ARK2N: variants seen among roughly 807,000 people sequenced by gnomAD.
The protein encoded by ARK2N is arkadia (RNF111) N-terminal like PKA signaling regulator 2N.
the ARK2N span, among the ~76,000 whole-genome samples, chr18:46,181,066 C>G: frequency 6.6e-6 from 1 of 151,306 alleles, no homozygotes; most frequent in Non-Finnish European, 1.5e-5. Context: ...TCGAAACCAG[C>G]CTAGCCAACA....
At chr18:46,202,779 C>G in the ARK2N span, among the ~76,000 whole-genome samples, 1 of 147,670 alleles carries the variant, frequency 6.8e-6, no homozygotes, top group African/African-American at 2.5e-5. Context: ...CAGAGTGAGA[C>G]TCGGTCGCAA....
chr18:46,204,320 T>G, the ARK2N span, among the ~76,000 whole-genome samples: 1 of 152,188 alleles, frequency 6.6e-6, no homozygotes, highest in African/African-American at 2.4e-5. Context: ...AGTCCTAGAT[T>G]GCAAGGGAAT....
At chr18:46,246,237 G>A in the ARK2N span, among the ~76,000 whole-genome samples, 2 of 152,142 alleles carry the variant, frequency 1.3e-5, no homozygotes, top group Non-Finnish European at 2.9e-5. Flanking sequence ...CCTCCATGGG[G>A]GGTGAGGCGG....
At chr18:46,263,557 C>T in the ARK2N span, 8 of 157,862 alleles carry the variant, frequency 5.1e-5, no homozygotes, top group East Asian at 1.8e-4. Context: ...TTAGGGCATT[C>T]GCACACATAT....
the ARK2N span, among the ~76,000 whole-genome samples, chr18:46,238,305 C>T: frequency 6.6e-6 from 1 of 152,118 alleles, no homozygotes; most frequent in Non-Finnish European, 1.5e-5. Flanking sequence ...AAAAATAGAA[C>T]ATATGGTCAA....
chr18:46,223,149 C>G, the ARK2N span, among the ~76,000 whole-genome samples: 4,357 of 152,214 alleles, frequency 0.029, 189 homozygotes, highest in African/African-American at 0.099. Flanking sequence ...AAGGAGCCAT[C>G]CGATTTCCTG....
chr18:46,233,743 A>G, the ARK2N span, among the ~76,000 whole-genome samples: 1 of 152,226 alleles, frequency 6.6e-6, no homozygotes, highest in Non-Finnish European at 1.5e-5. Flanking sequence ...GACAAATGTA[A>G]TCCTTAAAAT....
chr18:46,223,018 A>G, the ARK2N span, among the ~76,000 whole-genome samples: 35 of 152,322 alleles, frequency 2.3e-4, no homozygotes, highest in African/African-American at 6.7e-4. Flanking sequence ...GTAGGAATCT[A>G]TGAGGCTACA....
At chr18:46,254,666 A>G in the ARK2N span, among the ~76,000 whole-genome samples, 2 of 152,226 alleles carry the variant, frequency 1.3e-5, no homozygotes, top group African/African-American at 2.4e-5. Context: ...ATATATAATC[A>G]TCGATGTCTG....
the ARK2N span, among the ~76,000 whole-genome samples, chr18:46,178,456 G>T: frequency 6.6e-6 from 1 of 152,144 alleles, no homozygotes; most frequent in Admixed American, 6.6e-5. Context: ...GGGATTGCAG[G>T]CATGTGCCGT....
the ARK2N span, among the ~76,000 whole-genome samples, chr18:46,221,417 GGGTGT>G: frequency 6.6e-6 from 1 of 151,066 alleles, no homozygotes; most frequent in East Asian, 1.9e-4. Flanking sequence ...AAAATTAGCC[GGGTGT>G]GGTGGCGCGC....
the ARK2N span, among the ~76,000 whole-genome samples, chr18:46,256,712 G>A: frequency 0.024 from 3,579 of 152,262 alleles, 138 homozygotes; most frequent in African/African-American, 0.081. Flanking sequence ...AAAATTGTCC[G>A]TATAATGGAA....
chr18:46,240,657 C>A, the ARK2N span, among the ~76,000 whole-genome samples: 1 of 152,128 alleles, frequency 6.6e-6, no homozygotes, highest in Non-Finnish European at 1.5e-5. Flanking sequence ...CCTGTTAATT[C>A]CTCGTCAGTA....
chr18:46,256,792 T>C, the ARK2N span, among the ~76,000 whole-genome samples: 3 of 152,240 alleles, frequency 2.0e-5, no homozygotes, highest in Non-Finnish European at 4.4e-5. Flanking sequence ...GTGTCTTTTA[T>C]ATTGATCTTG....
chr18:46,240,022 G>A, the ARK2N span: 1 of 1,614,050 alleles, frequency 6.2e-7, no homozygotes, highest in Non-Finnish European at 8.5e-7. Flanking sequence ...TCCAGTTGTA[G>A]CTCATTATGA....
At chr18:46,229,638 A>G in the ARK2N span, among the ~76,000 whole-genome samples, 194 of 150,632 alleles carry the variant, frequency 1.3e-3, no homozygotes, top group Non-Finnish European at 2.2e-3. Flanking sequence ...TTTTTTTGAG[A>G]TGAGGTCTCG....
At chr18:46,243,819 G>A in the ARK2N span, among the ~76,000 whole-genome samples, 3 of 152,234 alleles carry the variant, frequency 2.0e-5, no homozygotes, top group Admixed American at 6.5e-5. Context: ...ACTCCAAAAG[G>A]TTATTGTTAC....
chr18:46,185,342 A>T, the ARK2N span, among the ~76,000 whole-genome samples: 2 of 152,286 alleles, frequency 1.3e-5, no homozygotes, highest in Admixed American at 6.5e-5. Context: ...CTCCTCCCTC[A>T]TGTATAAAGT....
At chr18:46,256,346 A>G in the ARK2N span, among the ~76,000 whole-genome samples, 3 of 152,220 alleles carry the variant, frequency 2.0e-5, no homozygotes, top group Non-Finnish European at 4.4e-5. Flanking sequence ...GAAATGTTAC[A>G]GCATGAACCA....
Sources: allele counts gnomAD v4.1 joint callset (sites outside exome capture counted in the v4.1 genomes callset), GRCh38; gene constraint gnomAD v4.1.1; transcripts MANE v1.5; gene names NCBI Gene and HGNC (gene_info 2026-07-23, HGNC 2026-07-21).